The following LMBRD1 variants were observed in gnomAD, a reference collection of about 807,000 sequenced individuals.
LMBRD1 encodes LMBR1 domain containing 1.
Under a neutral mutation model 74.8 loss-of-function variants are expected in LMBRD1, and 64 were observed. The observed-to-expected ratio is 0.86, with a 90% CI of 0.70 to 1.05. The LOEUF (loss-of-function observed/expected upper bound fraction) is 1.05, where lower values mean the gene tolerates loss of function less well. Among genes scored for constraint, LMBRD1 ranks in the 50% least tolerant of loss-of-function variants. The pLI is 0.00. For synonymous variants in LMBRD1, 204 were observed against 216.3 expected (o/e 0.94, Z 0.50); for missense variants, 652 against 645.9 (o/e 1.01, Z -0.10).
chr6:69,729,841 G>C (rs908379701), intron 7 of LMBRD1, among the ~76,000 whole-genome samples: 1 of 151,898 alleles, frequency 6.6e-6, no homozygotes, highest in Non-Finnish European at 1.5e-5. Context: ...ATAATTATCA[G>C]GAAATTTAAC....
chr6:69,770,924 T>G (rs764599351), intron 3 of LMBRD1, among the ~76,000 whole-genome samples: 1 of 152,148 alleles, frequency 6.6e-6, no homozygotes, highest in Non-Finnish European at 1.5e-5. Flanking sequence ...GGAGTTAAAT[T>G]AGTCAAGTAA....
intron 7 of LMBRD1, among the ~76,000 whole-genome samples, chr6:69,727,979 T>C (rs563024159): frequency 6.6e-6 from 1 of 152,286 alleles, no homozygotes; most frequent in African/African-American, 2.4e-5. Flanking sequence ...TCATTACTCA[T>C]TGTATTAGTC....
chr6:69,711,656 A>G (rs1168661754), intron 9 of LMBRD1, among the ~76,000 whole-genome samples: 4 of 152,130 alleles, frequency 2.6e-5, no homozygotes, highest in Non-Finnish European at 4.4e-5. Context: ...AAGATTTAAA[A>G]AGTGATTATA....
At chr6:69,691,226 T>A (rs1765871986) in intron 14 of LMBRD1, among the ~76,000 whole-genome samples, 1 of 149,020 alleles carries the variant, frequency 6.7e-6, no homozygotes, top group Admixed American at 6.7e-5. Flanking sequence ...AACACAAAAA[T>A]GTTAAATGTT....
intron 3 of LMBRD1, among the ~76,000 whole-genome samples, chr6:69,757,002 A>C (rs1317316044): frequency 6.6e-6 from 1 of 152,124 alleles, no homozygotes; most frequent in African/African-American, 2.4e-5. Flanking sequence ...TGCTGCATTA[A>C]CTCTTTTACA....
intron 2 of LMBRD1, among the ~76,000 whole-genome samples, chr6:69,784,492 G>A (rs1365469606): frequency 7.2e-5 from 11 of 152,166 alleles, no homozygotes; most frequent in Admixed American, 7.2e-4. Context: ...AATGTCCGGA[G>A]ACATGGTGGA....
At chr6:69,683,871 C>T (rs1765711284) in intron 14 of LMBRD1, among the ~76,000 whole-genome samples, 1 of 151,958 alleles carries the variant, frequency 6.6e-6, no homozygotes, top group South Asian at 2.1e-4. Context: ...TTTAAAAGGT[C>T]TCCAGTAAAA....
chr6:69,709,936 C>T (rs1473087427), intron 9 of LMBRD1, among the ~76,000 whole-genome samples: 1 of 152,108 alleles, frequency 6.6e-6, no homozygotes, highest in Non-Finnish European at 1.5e-5. Context: ...TATATCAATT[C>T]TCCCCCAAAT....
At chr6:69,736,494 T>C (rs981891555) in intron 7 of LMBRD1, among the ~76,000 whole-genome samples, 9 of 152,182 alleles carry the variant, frequency 5.9e-5, no homozygotes, top group Non-Finnish European at 1.5e-5. Context: ...GTAGAAGTCT[T>C]ACATCTTCAG....
chr6:69,705,650 TTCA>T (rs984777465), intron 9 of LMBRD1: 2 of 883,934 alleles, frequency 2.3e-6, no homozygotes, highest in African/African-American at 1.7e-5. Flanking sequence ...TATCACCATC[TTCA>T]TCATTATCAT....
chr6:69,689,882 C>T (rs549021746), intron 14 of LMBRD1, among the ~76,000 whole-genome samples: 2 of 152,060 alleles, frequency 1.3e-5, no homozygotes, highest in African/African-American at 4.8e-5. Context: ...TGAAAAATAA[C>T]GAGAGAGAAA....
chr6:69,689,849 A>G (rs907739394), intron 14 of LMBRD1, among the ~76,000 whole-genome samples: 69 of 152,116 alleles, frequency 4.5e-4, no homozygotes, highest in African/African-American at 1.5e-3. Context: ...CTGCAATGAT[A>G]TGCTGGAGTA....
At chr6:69,750,157 T>C (rs1212836193) in intron 4 of LMBRD1, among the ~76,000 whole-genome samples, 5 of 149,684 alleles carry the variant, frequency 3.3e-5, no homozygotes, top group African/African-American at 1.2e-4. Flanking sequence ...TATACTTACA[T>C]ACATTAATAT....
At chr6:69,720,570 T>G (rs1321422066) in intron 7 of LMBRD1, among the ~76,000 whole-genome samples, 1 of 152,162 alleles carries the variant, frequency 6.6e-6, no homozygotes, top group Non-Finnish European at 1.5e-5. Flanking sequence ...ATTTGGTATA[T>G]TTTGGTATAT....
Position 69,701,886 on chromosome 6 carries a change from T to C in LMBRD1, c.980+3A>G, listed in dbSNP as rs759976170. ...CTTTAGAAAATGTGTCTACTGTACT[T>C]ACTTTGACAAGAAGAGAGAAATTAC... On this transcript the variant is annotated splice_donor_region_variant and intron_variant, in intron 10 of 15. Transcript: ENST00000649934. The C allele has an allele frequency of 3.8e-6, 6 of 1,580,432 alleles. No individual in the cohort carries two copies. Among genetic ancestry groups the C allele is most frequent in the Middle Eastern group, 1.7e-4 (1 of 5,964 alleles).
At chr6:69,737,870 T>C in intron 7 of LMBRD1, 72 bp downstream of exon 7, 1 of 968,662 alleles carries the variant, frequency 1.0e-6, no homozygotes, top group Non-Finnish European at 1.6e-6. Flanking sequence ...CAGAATAAAG[T>C]TTAATAAATT....
intron 1 of LMBRD1, among the ~76,000 whole-genome samples, chr6:69,795,540 G>A (rs1398306862): frequency 6.6e-6 from 1 of 152,130 alleles, no homozygotes; most frequent in Non-Finnish European, 1.5e-5. Flanking sequence ...ATAGTCTCAC[G>A]TAACTTTCAT....
intron 9 of LMBRD1, among the ~76,000 whole-genome samples, chr6:69,707,895 G>A (rs1766296209): frequency 6.6e-6 from 1 of 152,010 alleles, no homozygotes; most frequent in Non-Finnish European, 1.5e-5. Flanking sequence ...AGTGATGATG[G>A]TTGCACAACA....
intron 2 of LMBRD1, among the ~76,000 whole-genome samples, chr6:69,784,463 TC>T (rs1227051218): frequency 1.3e-5 from 2 of 152,176 alleles, no homozygotes; most frequent in Non-Finnish European, 2.9e-5. Context: ...GCCATTTTGA[TC>T]CCCATGGGGC....
Sources: gnomAD v4.1 joint callset for allele counts (sites outside exome capture counted in the v4.1 genomes callset) on GRCh38, gnomAD v4.1.1 for gene constraint, MANE v1.5 for transcripts, NCBI Gene and HGNC (gene_info 2026-07-23, HGNC 2026-07-21) for gene names.